GRHL2: variants seen among roughly 807,000 people sequenced by gnomAD.
GRHL2 encodes grainyhead like transcription factor 2.
In GRHL2, 21 loss-of-function variants were observed where a neutral mutation model predicts 83.8. The ratio of observed to expected loss-of-function variants is 0.25; its 90% CI spans 0.18 to 0.36. The LOEUF (loss-of-function observed/expected upper bound fraction) is 0.36, where lower values mean the gene tolerates loss of function less well. GRHL2 is among the 10% of genes least tolerant of loss of function. The pLI, the probability that GRHL2 is intolerant of heterozygous loss-of-function variation, is 1.00. For missense variants in GRHL2, 623 were observed against 781.8 expected (o/e 0.80, Z 2.42); for synonymous variants, 280 against 278.9 (o/e 1.00, Z -0.04).
At chr8:101,503,539 G>A (rs760243948) in intron 1 of GRHL2, among the ~76,000 whole-genome samples, 3 of 152,172 alleles carry the variant, frequency 2.0e-5, no homozygotes, top group Non-Finnish European at 4.4e-5. Flanking sequence ...CTTTCTGGAA[G>A]GCAGTTTGGC....
At chr8:101,621,327 G>A (rs1225909879) in intron 9 of GRHL2, among the ~76,000 whole-genome samples, 1 of 152,116 alleles carries the variant, frequency 6.6e-6, no homozygotes, top group Non-Finnish European at 1.5e-5. Flanking sequence ...GGAAATAATG[G>A]AAGTTATGAA....
chr8:101,636,909 A>T lies in GRHL2; in HGVS notation c.1498A>T (p.Thr500Ser). ...LQRTGQVYYN[T>S]DDEREGGSVL... ...TTTTGTTCCACAGGTGTATTACAAC[A>T]CGGATGATGAACGAGAAGGGTAAGA... Residue 500 changes from threonine to serine, a missense_variant, in exon 12 of 16, where the codon ACG becomes TCG. Transcript: ENST00000646743. 2 of 1,613,764 alleles carry T rather than the reference A, an allele frequency of 1.2e-6. No homozygotes were observed. Among genetic ancestry groups the T allele is most frequent in the Non-Finnish European group, 1.7e-6 (2 of 1,179,712 alleles).
At position 101,557,370 on chromosome 8, in the gene GRHL2, G is replaced by A. The variant is rs907622366; in HGVS notation, c.285-1049G>A. ...CTCCCGAGTAGCTGGGACTACAGGC[G>A]CATGCCACTGTGCCTGGCTAATTTT... On this transcript the variant is annotated intron_variant, in intron 3 of 15. Transcript: ENST00000646743. 3.3e-5 allele frequency among the ~76,000 whole-genome samples: 5 copies of A among 151,324 alleles called. 1 individual carries two copies. The highest frequency in any genetic ancestry group is 2.1e-4 in the South Asian group (1 of 4,736).
intron 11 of GRHL2, among the ~76,000 whole-genome samples, chr8:101,634,946 T>C (rs1813257333): frequency 6.6e-6 from 1 of 152,194 alleles, no homozygotes; most frequent in Non-Finnish European, 1.5e-5. Context: ...AGGCTGTTTA[T>C]GTCTGGACGC....
At chr8:101,563,999 G>A (rs1811662560) in intron 4 of GRHL2, among the ~76,000 whole-genome samples, 1 of 152,128 alleles carries the variant, frequency 6.6e-6, no homozygotes. Context: ...TGGGGGATGT[G>A]TTATCAGTTA....
chr8:101,652,446 TG>T (rs1219858409), intron 14 of GRHL2, among the ~76,000 whole-genome samples: 3 of 89,286 alleles, frequency 3.4e-5, no homozygotes, highest in African/African-American at 4.9e-5. Context: ...CTGGTGTGTG[TG>T]GTGTGTGTCT....
the GRHL2 span, among the ~76,000 whole-genome samples, chr8:101,679,828 C>T: frequency 7.1e-6 from 1 of 140,824 alleles, no homozygotes; most frequent in Non-Finnish European, 1.5e-5. Context: ...CCAAACTAAG[C>T]TTCATAAGTG....
chr8:101,556,337 CA>C (rs1195569602), intron 3 of GRHL2, among the ~76,000 whole-genome samples: 2 of 152,126 alleles, frequency 1.3e-5, no homozygotes, highest in Non-Finnish European at 2.9e-5. Context: ...TAGATAAAAA[CA>C]GAAACAAACA....
intron 1 of GRHL2, among the ~76,000 whole-genome samples, chr8:101,503,292 T>A (rs1357064837): frequency 6.6e-6 from 1 of 152,152 alleles, no homozygotes; most frequent in Non-Finnish European, 1.5e-5. Flanking sequence ...AAAATAATTT[T>A]AAAAAGAACA....
chr8:101,677,881 A>G, the GRHL2 span, among the ~76,000 whole-genome samples: 1 of 152,100 alleles, frequency 6.6e-6, no homozygotes, highest in African/African-American at 2.4e-5. Flanking sequence ...CTTGAAATGA[A>G]TAGATCATTG....
chr8:101,492,829 A>G (rs773732897), intron 1 of GRHL2, 40 bp downstream of exon 1: 1 of 1,599,040 alleles, frequency 6.3e-7, no homozygotes, highest in South Asian at 1.1e-5. Flanking sequence ...TACTACTACC[A>G]CTTTGGGCTG....
chr8:101,675,428 G>A, the GRHL2 span, among the ~76,000 whole-genome samples: 1 of 151,978 alleles, frequency 6.6e-6, no homozygotes, highest in Admixed American at 6.6e-5. Flanking sequence ...GACAAACACA[G>A]AGCCAAATCA....
chr8:101,498,915 A>G (rs1228266052), intron 1 of GRHL2, among the ~76,000 whole-genome samples: 1 of 152,046 alleles, frequency 6.6e-6, no homozygotes, highest in Non-Finnish European at 1.5e-5. Context: ...CTCTACTAAC[A>G]ATACAAAAAA....
intron 14 of GRHL2, among the ~76,000 whole-genome samples, chr8:101,655,289 T>G (rs1347464378): frequency 6.6e-6 from 1 of 152,194 alleles, no homozygotes; most frequent in Non-Finnish European, 1.5e-5. Context: ...CTGGGGAACT[T>G]GACTGACTTG....
the GRHL2 span, among the ~76,000 whole-genome samples, chr8:101,674,921 T>C: frequency 1.3e-5 from 2 of 152,140 alleles, no homozygotes; most frequent in African/African-American, 4.8e-5. Flanking sequence ...AATCAATAAA[T>C]GTAATCCAGC....
Position 101,559,351 on chromosome 8 carries a change from T to TGCAAAA in GRHL2, c.678+539_678+540insGCAAAA, listed in dbSNP as rs1285229771. 7.6e-3 allele frequency among the ~76,000 whole-genome samples: 146 copies of TGCAAAA among 19,200 alleles called. 7 individuals are homozygous for TGCAAAA. Among genetic ancestry groups the TGCAAAA allele is most frequent in the African/African-American group, 0.014 (123 of 9,092 alleles). 12.6% of individuals were successfully genotyped at this position (19,200 alleles called of 152,430 possible). Reference sequence around the variant, plus strand: ...GGTGAACTCCTGTCTCTACTAAAAATACAAAAAAAAAAAAAAAAAAAAAAA... The same window carrying TGCAAAA: ...GGTGAACTCCTGTCTCTACTAAAAATGCAAAAACAAAAAAAAAAAAAAAAAAAAAAA... On this transcript the variant is annotated intron_variant, in intron 4 of 15. Transcript: ENST00000646743.
intron 7 of GRHL2, among the ~76,000 whole-genome samples, chr8:101,582,492 T>C (rs1812077405): frequency 6.6e-6 from 1 of 152,188 alleles, no homozygotes; most frequent in African/African-American, 2.4e-5. Flanking sequence ...TCTCAAACTC[T>C]AAAAGAAACC....
chr8:101,596,938 G>A (rs1364985126), intron 7 of GRHL2, among the ~76,000 whole-genome samples: 2 of 152,206 alleles, frequency 1.3e-5, no homozygotes, highest in Admixed American at 6.5e-5. Flanking sequence ...TAGAAACACA[G>A]CAAAGGACAT....
chr8:101,624,482 A>G (rs1218540996), intron 9 of GRHL2, among the ~76,000 whole-genome samples: 5 of 151,198 alleles, frequency 3.3e-5, no homozygotes, highest in African/African-American at 1.2e-4. Flanking sequence ...ACAGTAGAAC[A>G]GTGTAGGACA....
Sources: gnomAD v4.1 joint callset for allele counts (sites outside exome capture counted in the v4.1 genomes callset) on GRCh38, gnomAD v4.1.1 for gene constraint, MANE v1.5 for transcripts, NCBI Gene and HGNC (gene_info 2026-07-23, HGNC 2026-07-21) for gene names.